NLGN4X: variants seen among roughly 807,000 people sequenced by gnomAD.
NLGN4X encodes the protein neuroligin-4, X-linked.
NLGN4X carries 3 observed loss-of-function variants against 40.3 expected under a neutral mutation model. That is an observed-to-expected ratio of 0.07 (90% CI 0.03 to 0.19). The LOEUF is 0.19. Among genes scored for constraint, NLGN4X ranks in the 10% least tolerant of loss-of-function variants. The pLI, the probability that NLGN4X is intolerant of heterozygous loss-of-function variation, is 1.00. For missense variants in NLGN4X, 382 were observed against 708.3 expected (o/e 0.54, Z 5.23); for synonymous variants, 270 against 306.8 (o/e 0.88, Z 1.25).
intron 3 of NLGN4X, among the ~76,000 whole-genome samples, chrX:5,968,545 GA>G (rs1219141395): frequency 1.1e-5 from 1 of 95,134 alleles, no homozygotes; most frequent in African/African-American, 3.9e-5. Context: ...CAATGTGTTT[GA>G]AAAGAAAATC....
At chrX:6,134,412 T>C (rs12559738) in intron 2 of NLGN4X, among the ~76,000 whole-genome samples, 14,094 of 111,061 alleles carry the variant, frequency 0.13, 861 homozygotes, top group East Asian at 0.39. Context: ...TTAGTGCATT[T>C]TCACCCTCTC....
chrX:6,111,354 CAAG>C (rs911146279), intron 2 of NLGN4X, among the ~76,000 whole-genome samples: 3 of 111,256 alleles, frequency 2.7e-5, no homozygotes, highest in Non-Finnish European at 5.6e-5. Flanking sequence ...GAGGATAAAT[CAAG>C]AAGATGCCAT....
chrX:6,008,913 G>A (rs769705225), intron 3 of NLGN4X, among the ~76,000 whole-genome samples: 14 of 111,827 alleles, frequency 1.3e-4, no homozygotes, highest in Non-Finnish European at 1.5e-4. Flanking sequence ...ACAACTCTAC[G>A]TACCTCATAT....
chrX:5,925,504 C>T (rs1428140665), intron 3 of NLGN4X, among the ~76,000 whole-genome samples: 1 of 110,062 alleles, frequency 9.1e-6, no homozygotes, highest in Non-Finnish European at 1.9e-5. Context: ...CAACCCACAC[C>T]CTCAATTTTA....
At chrX:6,085,039 T>C (rs1309348526) in intron 2 of NLGN4X, among the ~76,000 whole-genome samples, 4 of 109,478 alleles carry the variant, frequency 3.7e-5, no homozygotes, top group East Asian at 2.9e-4. Context: ...AGCAGTGCTA[T>C]GGGACACAAG....
At chrX:6,048,130 A>G (rs1436979841) in intron 2 of NLGN4X, among the ~76,000 whole-genome samples, 3 of 111,438 alleles carry the variant, frequency 2.7e-5, no homozygotes, top group Non-Finnish European at 5.7e-5. Flanking sequence ...ACTCTGTGAA[A>G]TGTCTTTATG....
chrX:6,171,774 T>C lies in NLGN4X; in HGVS notation c.-305-20003A>G, dbSNP rs895601668. 5.4e-5 allele frequency among the ~76,000 whole-genome samples: 6 copies of C among 112,110 alleles called. No individual in the cohort carries two copies. In the Admixed American group the frequency reaches 5.7e-4, roughly 11 times the overall value. On this transcript the variant is annotated intron_variant, in intron 1 of 5. Coordinates refer to ENST00000381095, the MANE Select transcript of NLGN4X (RefSeq NM_181332.3). The stretch of plus-strand genomic sequence containing the variant: ...AAGTTTTTTTTCTTTGCCTCTGATA[T>C]GATTTGGATCTGTGTCCCTGCCCAA...
chrX:6,099,390 AC>A (rs2038856796), intron 2 of NLGN4X, among the ~76,000 whole-genome samples: 1 of 112,313 alleles, frequency 8.9e-6, no homozygotes, highest in African/African-American at 3.2e-5. Flanking sequence ...ATATGTAACA[AC>A]AAAGAATGCT....
chrX:6,036,068 G>A lies in NLGN4X; in HGVS notation c.473-6636C>T, dbSNP rs774563266. Among the ~76,000 whole-genome samples the A allele has an allele frequency of 1.5e-4, 17 of 111,513 alleles. No individual in the cohort carries two copies. The East Asian group carries it at 4.8e-3, about 31-fold the overall frequency. On this transcript the variant is annotated intron_variant, in intron 2 of 5. Transcript: ENST00000381095. ...GGGTTCTAACCTTCACGTTGTTCAA[G>A]GGCCAACTGTAATTAATTATATTTC...
At chrX:6,171,199 CCTT>C (rs989626445) in intron 1 of NLGN4X, among the ~76,000 whole-genome samples, 1 of 112,172 alleles carries the variant, frequency 8.9e-6, no homozygotes, top group African/African-American at 3.2e-5. Context: ...AATTAAATCT[CCTT>C]CATTGAATTG....
intron 2 of NLGN4X, among the ~76,000 whole-genome samples, chrX:6,043,394 T>C (rs921423933): frequency 3.6e-5 from 4 of 111,341 alleles, no homozygotes; most frequent in South Asian, 3.8e-4. Context: ...GTAATATACA[T>C]TTTCTTATAT....
At chrX:6,101,133 G>A (rs1214868499) in intron 2 of NLGN4X, among the ~76,000 whole-genome samples, 1 of 111,623 alleles carries the variant, frequency 9.0e-6, no homozygotes, top group Non-Finnish European at 1.9e-5. Context: ...ATGCCCCCAC[G>A]TGAGGCCTCT....
chrX:6,215,341 G>A (rs1257029144), intron 1 of NLGN4X, among the ~76,000 whole-genome samples: 2 of 110,324 alleles, frequency 1.8e-5, no homozygotes, highest in African/African-American at 6.6e-5. Flanking sequence ...ACCTGAGGTC[G>A]GGAGTTCGAG....
chrX:5,935,085 C>T (rs948755768), intron 3 of NLGN4X, among the ~76,000 whole-genome samples: 1 of 111,922 alleles, frequency 8.9e-6, no homozygotes, highest in Non-Finnish European at 1.9e-5. Flanking sequence ...AAATTATAGT[C>T]TATCTTGTTT....
At chrX:5,935,358 T>C (rs2033699128) in intron 3 of NLGN4X, among the ~76,000 whole-genome samples, 1 of 112,127 alleles carries the variant, frequency 8.9e-6, no homozygotes, top group Non-Finnish European at 1.9e-5. Flanking sequence ...ATATCTTACT[T>C]CAAACATTAT....
chrX:6,180,085 AAATTGGTTC>A (rs1394913037), intron 1 of NLGN4X, among the ~76,000 whole-genome samples: 1 of 112,167 alleles, frequency 8.9e-6, no homozygotes, highest in Non-Finnish European at 1.9e-5. Context: ...TGCCCTTAAT[AAATTGGTTC>A]AATTGGAAAG....
Position 5,890,141 on chromosome X carries a change from TA to T in NLGN4X, c.*2675del. The T allele has an allele frequency of 4.8e-6, 1 of 207,639 alleles. No homozygotes were observed. Among genetic ancestry groups the T allele is most frequent in the African/African-American group, 3.1e-5 (1 of 32,358 alleles). The allele number at this position is 207,639 out of a possible 1,213,427, so 17.1% of individuals were successfully genotyped here. ...TCTTCTATCATTACTTAAGGCAAAATAAAAAACAAAACTGCAAAATAATAAC... is the reference window on the plus strand; with the variant it reads ...TCTTCTATCATTACTTAAGGCAAAATAAAAACAAAACTGCAAAATAATAAC... On this transcript the variant is annotated 3_prime_UTR_variant, in exon 6 of 6. Coordinates refer to ENST00000381095, the MANE Select transcript of NLGN4X (RefSeq NM_181332.3).
At chrX:5,910,872 ATCT>A (rs1413635036) in intron 3 of NLGN4X, among the ~76,000 whole-genome samples, 1 of 111,752 alleles carries the variant, frequency 8.9e-6, no homozygotes, top group Non-Finnish European at 1.9e-5. Flanking sequence ...TACCAATGTG[ATCT>A]TCTTTAAAGT....
At chrX:6,183,975 T>C (rs1921755879) in intron 1 of NLGN4X, among the ~76,000 whole-genome samples, 2 of 112,355 alleles carry the variant, frequency 1.8e-5, no homozygotes, top group South Asian at 7.3e-4. Context: ...ATGACAATTA[T>C]TCACTCTCAG....
Sources: gnomAD v4.1 joint callset for allele counts (sites outside exome capture counted in the v4.1 genomes callset) on GRCh38, gnomAD v4.1.1 for gene constraint, MANE v1.5 for transcripts, NCBI Gene and HGNC (gene_info 2026-07-23, HGNC 2026-07-21) for gene names.